Variants in KAZN observed in about 807,000 individuals in gnomAD.
KAZN encodes kazrin, periplakin interacting protein, also known as kazrin.
A neutral mutation model predicts 87.4 loss-of-function variants in KAZN; 40 were observed. The ratio of observed to expected loss-of-function variants is 0.46; its 90% confidence interval spans 0.36 to 0.60. The LOEUF (loss-of-function observed/expected upper bound fraction) is 0.60. Ranked by LOEUF, KAZN falls within the 20% of genes least tolerant of loss-of-function variation. KAZN has a pLI of 0.00. For synonymous variants in KAZN, 466 were observed against 458.3 expected (o/e 1.02, Z -0.22); for missense variants, 898 against 1,073.9 (o/e 0.84, Z 2.29).
At chr1:15,070,043 C>T (rs191968094) in intron 8 of KAZN, among the ~76,000 whole-genome samples, 26 of 152,334 alleles carry the variant, frequency 1.7e-4, no homozygotes, top group African/African-American at 6.3e-4. Context: ...CGTTGAGTAA[C>T]TCATCTGAGG....
chr1:14,702,367 G>GTGTGTGTGTGTGT (rs1641978149), intron 1 of KAZN, among the ~76,000 whole-genome samples: 4 of 52,698 alleles, frequency 7.6e-5, no homozygotes, highest in East Asian at 6.5e-4. Context: ...TGTGTGTGTG[G>GTGTGTGTGTGTGT]ATTTCTCTGT....
intron 1 of KAZN, among the ~76,000 whole-genome samples, chr1:14,609,342 G>A (rs189505680): frequency 1.3e-5 from 2 of 152,266 alleles, no homozygotes; most frequent in African/African-American, 2.4e-5. Context: ...CCCTGCTGGA[G>A]GAGAAAGGCA....
At chr1:14,513,387 C>T (rs947894950) in intron 2 of KAZN, among the ~76,000 whole-genome samples, 1 of 152,136 alleles carries the variant, frequency 6.6e-6, no homozygotes, top group Non-Finnish European at 1.5e-5. Flanking sequence ...TAAACCTGGG[C>T]CCAGGCTCAC....
At chr1:14,591,692 T>C (rs1676212736) in intron 2 of KAZN, among the ~76,000 whole-genome samples, 1 of 152,172 alleles carries the variant, frequency 6.6e-6, no homozygotes, top group African/African-American at 2.4e-5. Flanking sequence ...CTGACCGACT[T>C]TCCCAGCTTT....
intron 2 of KAZN, among the ~76,000 whole-genome samples, chr1:14,311,586 C>T (rs761982105): frequency 2.0e-5 from 3 of 152,096 alleles, no homozygotes; most frequent in African/African-American, 4.8e-5. Context: ...GCTTTCTCTC[C>T]GGTAGAGTTT....
chr1:14,056,781 T>C (rs1168466746), intron 1 of KAZN, among the ~76,000 whole-genome samples: 2 of 152,168 alleles, frequency 1.3e-5, no homozygotes, highest in Admixed American at 1.3e-4. Context: ...ATGGCCTTTT[T>C]TTAGACATAG....
intron 2 of KAZN, among the ~76,000 whole-genome samples, chr1:15,014,322 G>T (rs1373155085): frequency 3.3e-5 from 5 of 152,072 alleles, no homozygotes; most frequent in Non-Finnish European, 7.3e-5. Flanking sequence ...ATCTATGAAG[G>T]GAGCCCATAG....
At chr1:14,837,717 A>AATTATT (rs112164362) in intron 1 of KAZN, among the ~76,000 whole-genome samples, 11 of 150,530 alleles carry the variant, frequency 7.3e-5, no homozygotes, top group African/African-American at 9.8e-5. Context: ...ACCCCTGGAT[A>AATTATT]ATTATTATTA....
At chr1:15,084,451 C>T (rs1451409541) in intron 8 of KAZN, among the ~76,000 whole-genome samples, 1 of 152,208 alleles carries the variant, frequency 6.6e-6, no homozygotes, top group East Asian at 1.9e-4. Flanking sequence ...TAATGCATTC[C>T]TGGTCTCACA....
intron 2 of KAZN, among the ~76,000 whole-genome samples, chr1:15,034,221 C>A (rs752568127): frequency 6.6e-6 from 1 of 152,032 alleles, no homozygotes; most frequent in South Asian, 2.1e-4. Flanking sequence ...TGATGAATTC[C>A]GATCTATCTG....
intron 1 of KAZN, among the ~76,000 whole-genome samples, chr1:14,051,562 C>T (rs180888356): frequency 4.6e-5 from 7 of 152,328 alleles, no homozygotes; most frequent in Admixed American, 4.6e-4. Context: ...CTAAGAATGG[C>T]TGGTATTAAG....
chr1:14,490,960 G>A (rs1359697518), intron 2 of KAZN, among the ~76,000 whole-genome samples: 1 of 152,126 alleles, frequency 6.6e-6, no homozygotes, highest in Non-Finnish European at 1.5e-5. Context: ...AAAGACTATT[G>A]ATTGAGAAAA....
chr1:14,508,142 C>G (rs1007196337), intron 2 of KAZN, among the ~76,000 whole-genome samples: 1 of 152,080 alleles, frequency 6.6e-6, no homozygotes, highest in African/African-American at 2.4e-5. Flanking sequence ...AGTTGTTATT[C>G]CTGGGGCTGA....
At chr1:14,332,804 T>C (rs1464860534) in intron 2 of KAZN, among the ~76,000 whole-genome samples, 1 of 152,202 alleles carries the variant, frequency 6.6e-6, no homozygotes, top group East Asian at 1.9e-4. Context: ...CCTTTGTTCA[T>C]CACGTGGCTG....
intron 1 of KAZN, among the ~76,000 whole-genome samples, chr1:14,701,609 T>C (rs1383609132): frequency 6.6e-6 from 1 of 152,108 alleles, no homozygotes; most frequent in Non-Finnish European, 1.5e-5. Flanking sequence ...CTGAGCAACA[T>C]GGTAAAATCC....
chr1:14,470,915 T>TG (rs1166190431), intron 2 of KAZN, among the ~76,000 whole-genome samples: 1 of 152,166 alleles, frequency 6.6e-6, no homozygotes, highest in Non-Finnish European at 1.5e-5. Context: ...TCATTTGCTC[T>TG]GGGGGGAGCC....
intron 1 of KAZN, among the ~76,000 whole-genome samples, chr1:14,954,854 G>A (rs12073909): frequency 6.6e-6 from 1 of 152,112 alleles, no homozygotes; most frequent in Non-Finnish European, 1.5e-5. Flanking sequence ...TACTCGGGAG[G>A]CTGAGGCCGG....
At chr1:14,839,401 C>T (rs1253226265) in intron 1 of KAZN, among the ~76,000 whole-genome samples, 1 of 152,102 alleles carries the variant, frequency 6.6e-6, no homozygotes, top group Non-Finnish European at 1.5e-5. Flanking sequence ...TAGAACAGTA[C>T]CTGGCATAAA....
chr1:14,748,950 A>G (rs1644336089), intron 1 of KAZN, among the ~76,000 whole-genome samples: 1 of 152,248 alleles, frequency 6.6e-6, no homozygotes, highest in Non-Finnish European at 1.5e-5. Flanking sequence ...TGCAAACATC[A>G]GAATGGTCTC....
Sources: allele counts gnomAD v4.1 joint callset (sites outside exome capture counted in the v4.1 genomes callset), GRCh38; gene constraint gnomAD v4.1.1; transcripts MANE v1.5; gene names NCBI Gene and HGNC (gene_info 2026-07-23, HGNC 2026-07-21).